RIMS1: variants seen among roughly 807,000 people sequenced by gnomAD.
RIMS1 encodes the protein regulating synaptic membrane exocytosis protein 1.
Under a neutral mutation model 214.1 loss-of-function variants are expected in RIMS1, and 83 were observed. The ratio of observed to expected loss-of-function variants is 0.39; its 90% CI spans 0.32 to 0.47. RIMS1 has a LOEUF of 0.47. RIMS1 is among the 20% of genes least tolerant of loss of function. RIMS1 has a pLI of 0.99. For synonymous variants in RIMS1, 793 were observed against 786.8 expected (o/e 1.01, Z -0.13); for missense variants, 2,050 against 2,161.8 (o/e 0.95, Z 1.03).
At chr6:71,887,210 A>T in intron 1 of RIMS1, 23 bp downstream of exon 1, 1 of 1,592,898 alleles carries the variant, frequency 6.3e-7, no homozygotes, top group Non-Finnish European at 8.5e-7. Flanking sequence ...CAGCCGCGCC[A>T]TCCATGCCTC....
At chr6:72,062,740 A>G (rs1562231990) in intron 2 of RIMS1, among the ~76,000 whole-genome samples, 1 of 152,182 alleles carries the variant, frequency 6.6e-6, no homozygotes, top group Non-Finnish European at 1.5e-5. Context: ...TAGCAGGGCC[A>G]TGCTCCCTGT....
chr6:72,141,824 C>T (rs1425788260), intron 4 of RIMS1, among the ~76,000 whole-genome samples: 1 of 151,948 alleles, frequency 6.6e-6, no homozygotes, highest in Non-Finnish European at 1.5e-5. Context: ...GTTCTCACCT[C>T]AGCTGAGCTA....
intron 2 of RIMS1, among the ~76,000 whole-genome samples, chr6:72,072,658 G>A (rs2152308984): frequency 6.6e-6 from 1 of 152,292 alleles, no homozygotes; most frequent in Non-Finnish European, 1.5e-5. Flanking sequence ...AAAGCAAGGT[G>A]TGAAGGGGGT....
At position 72,368,292 on chromosome 6, in the gene RIMS1, A is replaced by ATTTT. The variant is rs1168375463; in HGVS notation, c.4367-22282_4367-22279dup. On this transcript the variant is annotated intron_variant, in intron 29 of 33. Transcript: ENST00000521978. ...AACAGTACAGAATCAGTGTTGTCTGATTTTTTTTTTTTTTTTTTTTTTTTT... is the reference window on the plus strand; with the variant it reads ...AACAGTACAGAATCAGTGTTGTCTGATTTTTTTTTTTTTTTTTTTTTTTTTTTTT... Among the ~76,000 whole-genome samples the ATTTT allele has an allele frequency of 2.4e-4, 19 of 79,128 alleles. 1 individual carries two copies. The highest frequency in any genetic ancestry group is 5.8e-4 in the African/African-American group (11 of 19,040). 51.9% of individuals were successfully genotyped at this position (79,128 alleles called of 152,430 possible).
intron 1 of RIMS1, among the ~76,000 whole-genome samples, chr6:71,917,442 A>C (rs1778752599): frequency 6.6e-6 from 1 of 152,136 alleles, no homozygotes; most frequent in Admixed American, 6.6e-5. Flanking sequence ...CAAGTAGTGA[A>C]AATGGCATGA....
At chr6:71,953,086 A>G (rs1174530147) in intron 1 of RIMS1, among the ~76,000 whole-genome samples, 1 of 151,458 alleles carries the variant, frequency 6.6e-6, no homozygotes, top group Non-Finnish European at 1.5e-5. Context: ...TCCTGGGTTC[A>G]AGCGATTATC....
intron 1 of RIMS1, among the ~76,000 whole-genome samples, chr6:71,940,475 G>C (rs1561928586): frequency 6.6e-6 from 1 of 152,202 alleles, no homozygotes. Flanking sequence ...GGGTCAAAGA[G>C]AGTGCTTTTA....
chr6:72,388,311 A>C (rs2098646769), intron 29 of RIMS1, among the ~76,000 whole-genome samples: 1 of 152,192 alleles, frequency 6.6e-6, no homozygotes, highest in Admixed American at 6.5e-5. Context: ...CAGAAGCAGC[A>C]TGCTTGCAGG....
At chr6:72,344,854 C>T (rs908490977) in intron 29 of RIMS1, among the ~76,000 whole-genome samples, 5 of 151,620 alleles carry the variant, frequency 3.3e-5, no homozygotes, top group Admixed American at 6.6e-5. Flanking sequence ...ATAAATTTTA[C>T]GTTTGGCTAA....
intron 1 of RIMS1, among the ~76,000 whole-genome samples, chr6:71,908,794 C>G (rs1332117560): frequency 1.3e-5 from 2 of 152,142 alleles, no homozygotes; most frequent in Admixed American, 6.6e-5. Context: ...AACATTTTTA[C>G]AGTGTTTCTC....
intron 29 of RIMS1, among the ~76,000 whole-genome samples, chr6:72,345,427 T>G (rs1419596862): frequency 6.7e-6 from 1 of 148,810 alleles, no homozygotes; most frequent in South Asian, 2.2e-4. Flanking sequence ...TTTTTACATG[T>G]GTTAATTCCT....
At chr6:71,992,565 T>TCTTCTTCTTCTTCCTCTTCTC (rs1802112245) in intron 2 of RIMS1, among the ~76,000 whole-genome samples, 1 of 149,696 alleles carries the variant, frequency 6.7e-6, no homozygotes, top group African/African-American at 2.5e-5. Context: ...TTCCTCTTCT[T>TCTTCTTCTTCTTCCTCTTCTC]CTTCTTCTTC....
chr6:72,005,592 A>C (rs1369377688), intron 2 of RIMS1, among the ~76,000 whole-genome samples: 2 of 152,236 alleles, frequency 1.3e-5, no homozygotes, highest in Non-Finnish European at 2.9e-5. Context: ...GCAAATAAAT[A>C]GACTAAAACC....
At chr6:72,240,840 A>T (rs1226640504) in intron 9 of RIMS1, among the ~76,000 whole-genome samples, 1 of 151,080 alleles carries the variant, frequency 6.6e-6, no homozygotes, top group Non-Finnish European at 1.5e-5. Context: ...ACATGGTGAA[A>T]CCCCGTCTCT....
chr6:72,357,998 A>G (rs1040060654), intron 29 of RIMS1, among the ~76,000 whole-genome samples: 1 of 146,114 alleles, frequency 6.8e-6, no homozygotes, highest in Non-Finnish European at 1.6e-5. Context: ...ACTTTCACAC[A>G]TTATACATTG....
At chr6:72,281,642 C>T (rs1411451695) in intron 23 of RIMS1, among the ~76,000 whole-genome samples, 2 of 151,996 alleles carry the variant, frequency 1.3e-5, no homozygotes, top group African/African-American at 4.8e-5. Context: ...TCTCTTGACC[C>T]CTGCCTTCTT....
intron 22 of RIMS1, among the ~76,000 whole-genome samples, chr6:72,271,102 T>A (rs2082847591): frequency 6.6e-6 from 1 of 151,320 alleles, no homozygotes; most frequent in African/African-American, 2.4e-5. Context: ...CCCGTCTCTA[T>A]GAAAAATACA....
chr6:72,037,612 C>G (rs1417108732), intron 2 of RIMS1, among the ~76,000 whole-genome samples: 2 of 151,926 alleles, frequency 1.3e-5, no homozygotes. Flanking sequence ...ATGTGTAGAC[C>G]ATGAAACCAT....
intron 13 of RIMS1, 89 bp from the exon 14 acceptor site, chr6:72,250,832 T>G: frequency 1.5e-6 from 1 of 683,616 alleles, no homozygotes; most frequent in Non-Finnish European, 2.4e-6. Context: ...GTTAAAATAA[T>G]ATAAATATCA....
Sources: gnomAD v4.1 joint callset for allele counts (sites outside exome capture counted in the v4.1 genomes callset) on GRCh38, gnomAD v4.1.1 for gene constraint, MANE v1.5 for transcripts, NCBI Gene and HGNC (gene_info 2026-07-23, HGNC 2026-07-21) for gene names.